The following ADAMTS3 variants were observed in gnomAD, a reference collection of about 807,000 sequenced individuals.
ADAMTS3 encodes the protein A disintegrin and metalloproteinase with thrombospondin motifs 3.
In ADAMTS3, 73 loss-of-function variants were observed where a neutral mutation model predicts 129.0. The observed-to-expected ratio is 0.57, with a 90% confidence interval of 0.47 to 0.69. ADAMTS3 has a LOEUF of 0.69. Among genes scored for constraint, ADAMTS3 ranks in the 30% least tolerant of loss-of-function variants. The probability of loss-of-function intolerance (pLI) is 0.00; values close to 1 mark genes in which losing one functional copy is unlikely to be tolerated. For synonymous variants in ADAMTS3, 477 were observed against 510.8 expected (o/e 0.93, Z 0.89); for missense variants, 1,457 against 1,514.5 (o/e 0.96, Z 0.63).
intron 3 of ADAMTS3, among the ~76,000 whole-genome samples, chr4:72,527,472 G>C (rs1720844916): frequency 6.6e-6 from 1 of 152,074 alleles, no homozygotes; most frequent in Non-Finnish European, 1.5e-5. Context: ...TGCATCCACA[G>C]CAATGAAAGT....
chr4:72,309,752 A>G (rs1315251739), intron 14 of ADAMTS3, among the ~76,000 whole-genome samples: 3 of 152,068 alleles, frequency 2.0e-5, no homozygotes, highest in Non-Finnish European at 4.4e-5. Context: ...CCAATGAAAT[A>G]TTTACACCAT....
intron 3 of ADAMTS3, among the ~76,000 whole-genome samples, chr4:72,458,515 C>T (rs1055627653): frequency 6.6e-6 from 1 of 151,424 alleles, no homozygotes. Context: ...TAAATAAATG[C>T]AGATGACAAG....
chr4:72,567,346 A>C (rs201991773), intron 2 of ADAMTS3, 28 bp downstream of exon 2: 8 of 1,609,550 alleles, frequency 5.0e-6, no homozygotes, highest in Non-Finnish European at 5.9e-6. Flanking sequence ...AACTTAAGAT[A>C]AGAGTGACAT....
chr4:72,501,249 G>A (rs1333485104), intron 3 of ADAMTS3, among the ~76,000 whole-genome samples: 1 of 152,070 alleles, frequency 6.6e-6, no homozygotes, highest in African/African-American at 2.4e-5. Flanking sequence ...CCATGAGCAT[G>A]AAATTTTTTT....
At chr4:72,519,287 A>T (rs1720589820) in intron 3 of ADAMTS3, among the ~76,000 whole-genome samples, 1 of 152,076 alleles carries the variant, frequency 6.6e-6, no homozygotes, top group East Asian at 1.9e-4. Flanking sequence ...CCTTCATTTC[A>T]ACTTTGGTGA....
At position 72,414,868 on chromosome 4, in the gene ADAMTS3, C is replaced by T; in HGVS notation, c.608G>A (p.Arg203Lys). ...EKGRIHVVYK[R>K]SAVEQAPIDM... The stretch of plus-strand genomic sequence containing the variant: ...TATGGGAGCCTGTTCTACAGCTGAT[C>T]TCTTGTAGACAACATGAATCCTTCC... Residue 203 changes from arginine to lysine, a missense_variant, in exon 4 of 22, where the codon AGA becomes AAA. Physicochemically the swap from Arg to Lys is conservative, Grantham distance 26. Coordinates refer to ENST00000286657, the MANE Select transcript of ADAMTS3 (RefSeq NM_014243.3). 1 of 1,567,174 alleles carries T rather than the reference C, an allele frequency of 6.4e-7. No individual in the cohort carries two copies. Among genetic ancestry groups the T allele is most frequent in the Non-Finnish European group, 8.6e-7 (1 of 1,158,890 alleles).
chr4:72,370,411 T>G (rs1296524060), intron 4 of ADAMTS3, among the ~76,000 whole-genome samples: 1 of 13,082 alleles, frequency 7.6e-5, no homozygotes, highest in Non-Finnish European at 3.2e-4. Flanking sequence ...AATCTGCTTA[T>G]TATATCAATC....
At chr4:72,354,229 A>T (rs890138314) in intron 4 of ADAMTS3, among the ~76,000 whole-genome samples, 6 of 151,950 alleles carry the variant, frequency 3.9e-5, no homozygotes, top group Admixed American at 2.6e-4. Context: ...TTTCCAATTT[A>T]ATAAGAAGTG....
chr4:72,386,540 T>C (rs1374091957), intron 4 of ADAMTS3, among the ~76,000 whole-genome samples: 1 of 152,130 alleles, frequency 6.6e-6, no homozygotes, highest in Non-Finnish European at 1.5e-5. Flanking sequence ...ATATCTAATT[T>C]TTTTCCAAAT....
At chr4:72,361,766 G>A (rs1367038534) in intron 4 of ADAMTS3, among the ~76,000 whole-genome samples, 1 of 152,004 alleles carries the variant, frequency 6.6e-6, no homozygotes, top group Non-Finnish European at 1.5e-5. Context: ...CTGGTCAGGT[G>A]TTGGTCCTGT....
At chr4:72,285,788 T>G (rs1243563671) in intron 21 of ADAMTS3, among the ~76,000 whole-genome samples, 8 of 121,480 alleles carry the variant, frequency 6.6e-5, no homozygotes, top group Non-Finnish European at 1.4e-4. Context: ...AAAAAAAAAA[T>G]GGTACAATCA....
chr4:72,548,601 A>T lies in ADAMTS3; in HGVS notation c.381T>A (p.His127Gln). Residue 127 changes from histidine to glutamine, a missense_variant, in exon 3 of 22, where the codon CAT becomes CAA. Physicochemically the swap from His to Gln is conservative, Grantham distance 24. Transcript: ENST00000286657. ...PGNITDPINN[H>Q]QPGSATYRIR... ...TTCTATACGTAGCACTTCCTGGTTGATGGTTGTTAATGGGATCGGTTATAT... is the reference window on the plus strand; with the variant it reads ...TTCTATACGTAGCACTTCCTGGTTGTTGGTTGTTAATGGGATCGGTTATAT... 6.2e-7 allele frequency: 1 copy of T among 1,613,972 alleles called. No individual in the cohort carries two copies.
At chr4:72,313,954 T>C in intron 11 of ADAMTS3, 132 bp from the exon 12 acceptor site, 1 of 974,160 alleles carries the variant, frequency 1.0e-6, no homozygotes, top group Non-Finnish European at 1.5e-6. Flanking sequence ...CATTTAAAAT[T>C]ATCCAAAAGC....
intron 4 of ADAMTS3, among the ~76,000 whole-genome samples, chr4:72,364,724 C>T (rs1720825131): frequency 6.6e-6 from 1 of 151,708 alleles, no homozygotes; most frequent in Admixed American, 6.6e-5. Context: ...TATATACCAC[C>T]TCCAGTTAGT....
chr4:72,318,115 T>A (rs1719449232), intron 10 of ADAMTS3, among the ~76,000 whole-genome samples: 1 of 151,942 alleles, frequency 6.6e-6, no homozygotes, highest in African/African-American at 2.4e-5. Context: ...TTTACTAGAC[T>A]ATACCAGCAC....
At chr4:72,418,431 G>A (rs1722363750) in intron 3 of ADAMTS3, among the ~76,000 whole-genome samples, 1 of 152,124 alleles carries the variant, frequency 6.6e-6, no homozygotes, top group Non-Finnish European at 1.5e-5. Flanking sequence ...CTCACATAAA[G>A]CTCAGGATGG....
chr4:72,336,645 G>C (rs1360034507), intron 5 of ADAMTS3, among the ~76,000 whole-genome samples: 1 of 152,142 alleles, frequency 6.6e-6, no homozygotes, highest in Non-Finnish European at 1.5e-5. Context: ...TGACTCCAGG[G>C]GGAAAACCTG....
At chr4:72,479,225 C>T (rs1410675429) in intron 3 of ADAMTS3, among the ~76,000 whole-genome samples, 19 of 152,052 alleles carry the variant, frequency 1.2e-4, no homozygotes, top group African/African-American at 3.1e-4. Flanking sequence ...AAAAAGAGCC[C>T]GCATTGCCAA....
intron 4 of ADAMTS3, among the ~76,000 whole-genome samples, chr4:72,393,720 C>T (rs1721659045): frequency 1.3e-5 from 2 of 152,214 alleles, no homozygotes; most frequent in East Asian, 3.9e-4. Flanking sequence ...TCACTTATAT[C>T]ATTTTATTAA....
Sources: allele counts gnomAD v4.1 joint callset (sites outside exome capture counted in the v4.1 genomes callset), GRCh38; gene constraint gnomAD v4.1.1; transcripts MANE v1.5; gene names NCBI Gene and HGNC (gene_info 2026-07-23, HGNC 2026-07-21).